Variants in CACNB2 observed in about 807,000 individuals in gnomAD.
CACNB2 encodes calcium voltage-gated channel auxiliary subunit beta 2.
Under a neutral mutation model 73.3 loss-of-function variants are expected in CACNB2, and 42 were observed. The observed-to-expected ratio is 0.57, with a 90% CI of 0.45 to 0.74. CACNB2 has a LOEUF of 0.74. Ranked by LOEUF, CACNB2 falls within the 30% of genes least tolerant of loss-of-function variation. CACNB2 has a pLI of 0.00. For missense variants in CACNB2, 940 were observed against 853.0 expected (o/e 1.10, Z -1.27); for synonymous variants, 348 against 310.3 (o/e 1.12, Z -1.28).
chr10:18,215,299 C>G (rs1013972064), intron 2 of CACNB2, among the ~76,000 whole-genome samples: 1 of 152,052 alleles, frequency 6.6e-6, no homozygotes, highest in Non-Finnish European at 1.5e-5. Context: ...AGTGAGGGGG[C>G]CTGGTTTGTT....
chr10:18,514,659 T>C (rs1188294581), intron 7 of CACNB2: 7 of 1,139,536 alleles, frequency 6.1e-6, no homozygotes, highest in Non-Finnish European at 7.9e-6. Context: ...ATTGAGTTCA[T>C]GCATTTCAAA....
chr10:18,276,453 T>G (rs569301329), intron 2 of CACNB2, among the ~76,000 whole-genome samples: 3 of 152,172 alleles, frequency 2.0e-5, no homozygotes, highest in African/African-American at 7.2e-5. Flanking sequence ...GAATGGAGAA[T>G]TCACAGTATC....
intron 3 of CACNB2, among the ~76,000 whole-genome samples, chr10:18,431,084 G>A (rs1329073950): frequency 1.3e-5 from 2 of 152,080 alleles, no homozygotes; most frequent in East Asian, 1.9e-4. Flanking sequence ...CTGGGTTCAA[G>A]CAATCCTCTC....
intron 2 of CACNB2, among the ~76,000 whole-genome samples, chr10:18,315,141 G>C (rs560782058): frequency 6.6e-6 from 1 of 152,110 alleles, no homozygotes; most frequent in South Asian, 2.1e-4. Context: ...AGACCAGCCT[G>C]GCCAACACAG....
At chr10:18,408,231 C>CTTTTTT (rs71402161) in intron 3 of CACNB2, among the ~76,000 whole-genome samples, 87 of 77,982 alleles carry the variant, frequency 1.1e-3, no homozygotes, top group Non-Finnish European at 1.5e-3. Context: ...CTATCCCTGA[C>CTTTTTT]TTTTTTTTTT....
At chr10:18,476,372 A>T (rs1318936441) in intron 3 of CACNB2, among the ~76,000 whole-genome samples, 1 of 152,248 alleles carries the variant, frequency 6.6e-6, no homozygotes, top group Admixed American at 6.5e-5. Context: ...TATTGAAAAC[A>T]AAGTATACTC....
intron 13 of CACNB2, 92 bp from the exon 14 acceptor site, chr10:18,539,138 T>TA (rs2053894475): frequency 1.9e-6 from 3 of 1,542,962 alleles, no homozygotes; most frequent in Non-Finnish European, 2.7e-6. Context: ...TTCGGATGCT[T>TA]AAAAAGGACT....
At chr10:18,426,972 T>TTTTTTTTTTG (rs2045633795) in intron 3 of CACNB2, among the ~76,000 whole-genome samples, 1 of 148,506 alleles carries the variant, frequency 6.7e-6, no homozygotes. Flanking sequence ...TTTTTTTTTT[T>TTTTTTTTTTG]GAGACTGAGT....
chr10:18,140,621 C>G lies in CACNB2; in HGVS notation c.-116C>G. The G allele has an allele frequency of 1.2e-6, 1 of 825,704 alleles. No homozygotes were observed. 51.1% of individuals were successfully genotyped at this position (825,704 alleles called of 1,614,324 possible). A position where few individuals can be genotyped will look rare whatever the true frequency, so the allele number is the denominator to read the frequency against. On this transcript the variant is annotated 5_prime_UTR_variant, in exon 1 of 14. Coordinates refer to ENST00000324631, the MANE Select transcript of CACNB2 (RefSeq NM_201596.3). The stretch of plus-strand genomic sequence containing the variant: ...TGCGGGGCGCTGCGCCGAGAACGGC[C>G]GGGCCTGAGCCCTGGGCGGCCCCCA...
chr10:18,301,572 G>A (rs2039510475), intron 2 of CACNB2, among the ~76,000 whole-genome samples: 1 of 152,042 alleles, frequency 6.6e-6, no homozygotes, highest in African/African-American at 2.4e-5. Context: ...TCCAGCCTGG[G>A]TAACAGAGCG....
intron 3 of CACNB2, among the ~76,000 whole-genome samples, chr10:18,416,708 G>A (rs953922102): frequency 5.3e-5 from 8 of 152,192 alleles, no homozygotes; most frequent in African/African-American, 1.9e-4. Context: ...TTTTCAATGA[G>A]CCTGTCAAGG....
chr10:18,172,780 C>T (rs1490056490), intron 2 of CACNB2, among the ~76,000 whole-genome samples: 2 of 152,052 alleles, frequency 1.3e-5, no homozygotes, highest in Non-Finnish European at 2.9e-5. Context: ...CATGTAATGA[C>T]CAGAATTCCC....
intron 2 of CACNB2, among the ~76,000 whole-genome samples, chr10:18,302,759 T>C (rs530820928): frequency 3.3e-5 from 5 of 152,190 alleles, no homozygotes; most frequent in East Asian, 1.9e-4. Context: ...CAGTGTATAC[T>C]GCTCAGGTGA....
At chr10:18,326,814 C>A (rs1265854235) in intron 2 of CACNB2, among the ~76,000 whole-genome samples, 2 of 152,156 alleles carry the variant, frequency 1.3e-5, no homozygotes, top group Non-Finnish European at 2.9e-5. Context: ...GCAGACTTGA[C>A]CTTCTGGGCT....
intron 6 of CACNB2, among the ~76,000 whole-genome samples, chr10:18,509,536 C>A (rs1056671877): frequency 6.6e-6 from 1 of 152,096 alleles, no homozygotes; most frequent in South Asian, 2.1e-4. Flanking sequence ...GCCATGGTCA[C>A]GCCTGTAATC....
At chr10:18,266,989 A>G (rs1178909445) in intron 2 of CACNB2, among the ~76,000 whole-genome samples, 2 of 152,114 alleles carry the variant, frequency 1.3e-5, no homozygotes, top group African/African-American at 2.4e-5. Context: ...GTATGTGTGT[A>G]TATATACTAT....
At chr10:18,196,674 C>A (rs527602456) in intron 2 of CACNB2, among the ~76,000 whole-genome samples, 159 of 152,246 alleles carry the variant, frequency 1.0e-3, no homozygotes, top group African/African-American at 3.6e-3. Context: ...CAAGACTTAA[C>A]TTTTATCACA....
intron 2 of CACNB2, among the ~76,000 whole-genome samples, chr10:18,264,000 T>G (rs2037674319): frequency 1.3e-5 from 2 of 152,250 alleles, no homozygotes. Flanking sequence ...CTAAACTGTC[T>G]TGCTATTTCG....
chr10:18,535,162 A>G (rs1400827089), intron 11 of CACNB2, among the ~76,000 whole-genome samples: 2 of 152,236 alleles, frequency 1.3e-5, no homozygotes, highest in Non-Finnish European at 2.9e-5. Flanking sequence ...AATGAATAAC[A>G]TTAATTTTCA....
Sources: allele counts gnomAD v4.1 joint callset (sites outside exome capture counted in the v4.1 genomes callset), GRCh38; gene constraint gnomAD v4.1.1; transcripts MANE v1.5; gene names NCBI Gene and HGNC (gene_info 2026-07-23, HGNC 2026-07-21).